The following CNTNAP4 variants were observed in gnomAD, a reference collection of about 807,000 sequenced individuals.
CNTNAP4 encodes contactin-associated protein-like 4.
CNTNAP4 carries 98 observed loss-of-function variants against 148.4 expected under a neutral mutation model. The observed-to-expected ratio is 0.66, with a 90% CI of 0.56 to 0.78. The LOEUF (loss-of-function observed/expected upper bound fraction) is 0.78. CNTNAP4 is among the 30% of genes least tolerant of loss of function. The probability of loss-of-function intolerance (pLI) is 0.00; values close to 1 mark genes in which losing one functional copy is unlikely to be tolerated. For synonymous variants in CNTNAP4, 730 were observed against 565.1 expected (o/e 1.29, Z -4.14); for missense variants, 1,935 against 1,565.6 (o/e 1.24, Z -3.98).
At chr16:76,412,221 A>G (rs2078823868) in intron 3 of CNTNAP4, among the ~76,000 whole-genome samples, 1 of 151,424 alleles carries the variant, frequency 6.6e-6, no homozygotes, top group African/African-American at 2.4e-5. Flanking sequence ...ATTTAAAAAT[A>G]TAGCAGTATT....
rs867379444 is a variant in CNTNAP4 at position 76,427,412 on chromosome 16, C to T, written c.391-40C>T. ...TAGGTGACAAGCTGAAATGGATGTT[C>T]TCCAGATACATTGATGTGCTTCTTT... On this transcript the variant is annotated intron_variant, in intron 3 of 23. Transcript: ENST00000611870. 6 of 1,567,336 alleles carry T rather than the reference C, an allele frequency of 3.8e-6. No homozygotes were observed. The Middle Eastern group carries it at 1.0e-3, about 268-fold the overall frequency.
intron 12 of CNTNAP4, among the ~76,000 whole-genome samples, chr16:76,483,675 C>CA (rs1402918293): frequency 2.0e-5 from 3 of 151,694 alleles, no homozygotes; most frequent in South Asian, 2.1e-4. Context: ...CACAAAAATG[C>CA]AAAAAAATGT....
chr16:76,432,552 G>GAA (rs1331665455), intron 4 of CNTNAP4: 1 of 151,918 alleles, frequency 6.6e-6, no homozygotes, highest in East Asian at 1.9e-4. Flanking sequence ...GAGAAAGAAA[G>GAA]AAAAAGAAAA....
chr16:76,350,500 A>G (rs1289262264), intron 2 of CNTNAP4, among the ~76,000 whole-genome samples: 3 of 152,206 alleles, frequency 2.0e-5, no homozygotes, highest in South Asian at 4.1e-4. Context: ...TCATAGCAAC[A>G]CATGTTACAG....
chr16:76,480,509 G>A (rs933152823), intron 12 of CNTNAP4, among the ~76,000 whole-genome samples: 5 of 152,112 alleles, frequency 3.3e-5, no homozygotes, highest in Non-Finnish European at 4.4e-5. Flanking sequence ...ACTTTGGGAG[G>A]TGGGCAGATC....
chr16:76,546,033 C>CA (rs34575100), intron 21 of CNTNAP4, among the ~76,000 whole-genome samples: 6,897 of 140,310 alleles, frequency 0.049, 197 homozygotes, highest in South Asian at 0.12. Context: ...GACTCCATTT[C>CA]AAAAAAAAAA....
intron 8 of CNTNAP4, among the ~76,000 whole-genome samples, chr16:76,456,492 C>G (rs531168841): frequency 5.6e-4 from 86 of 152,310 alleles, no homozygotes; most frequent in African/African-American, 1.9e-3. Flanking sequence ...GAGGTTTGTA[C>G]AATAGCCTTG....
At chr16:76,443,885 C>A (rs879406534) in intron 4 of CNTNAP4, among the ~76,000 whole-genome samples, 5 of 152,042 alleles carry the variant, frequency 3.3e-5, no homozygotes, top group Non-Finnish European at 5.9e-5. Flanking sequence ...AAAATAAATT[C>A]TGGTGATGGC....
intron 21 of CNTNAP4, 89 bp downstream of exon 21, chr16:76,540,879 C>T (rs982752388): frequency 4.9e-6 from 4 of 823,624 alleles, no homozygotes; most frequent in African/African-American, 1.7e-5. Context: ...ACACCCACTT[C>T]GTCATGGCAA....
intron 15 of CNTNAP4, among the ~76,000 whole-genome samples, chr16:76,516,127 G>A (rs1035375127): frequency 2.2e-4 from 27 of 125,444 alleles, no homozygotes; most frequent in Non-Finnish European, 3.7e-4. Context: ...ATTGTGTGAT[G>A]TTCCCCTCTC....
chr16:76,541,406 C>A (rs971028796), intron 21 of CNTNAP4, among the ~76,000 whole-genome samples: 2 of 152,164 alleles, frequency 1.3e-5, no homozygotes, highest in African/African-American at 4.8e-5. Flanking sequence ...TTTTTTTACA[C>A]TTGCCAACAA....
intron 3 of CNTNAP4, among the ~76,000 whole-genome samples, chr16:76,384,027 GTT>G (rs749687616): frequency 4.0e-5 from 6 of 151,852 alleles, no homozygotes; most frequent in Non-Finnish European, 7.4e-5. Context: ...TTGTTTGTTT[GTT>G]TTGTTTTTTG....
intron 4 of CNTNAP4, among the ~76,000 whole-genome samples, chr16:76,436,381 A>G (rs1038224743): frequency 2.0e-5 from 3 of 152,164 alleles, no homozygotes; most frequent in South Asian, 2.1e-4. Flanking sequence ...TTTCCAATCA[A>G]TGCCTTCATT....
intron 1 of CNTNAP4, among the ~76,000 whole-genome samples, chr16:76,288,996 A>T (rs989360372): frequency 5.9e-5 from 9 of 152,148 alleles, no homozygotes; most frequent in Admixed American, 2.0e-4. Context: ...ATAATCCATT[A>T]TGGTACATAT....
At chr16:76,350,098 C>T (rs1055931108) in intron 2 of CNTNAP4, among the ~76,000 whole-genome samples, 1 of 151,824 alleles carries the variant, frequency 6.6e-6, no homozygotes, top group Admixed American at 6.6e-5. Flanking sequence ...ATTCAGCCAG[C>T]CAGGTAATTT....
At chr16:76,473,840 GTTTTTTTTTT>G (rs1568317212) in intron 10 of CNTNAP4, among the ~76,000 whole-genome samples, 6 of 129,666 alleles carry the variant, frequency 4.6e-5, no homozygotes, top group Non-Finnish European at 1.1e-4. Context: ...GGTTTTGTAG[GTTTTTTTTTT>G]GTTTTGTTTT....
intron 12 of CNTNAP4, among the ~76,000 whole-genome samples, chr16:76,480,583 C>A (rs928302907): frequency 6.6e-6 from 1 of 151,900 alleles, no homozygotes; most frequent in African/African-American, 2.4e-5. Flanking sequence ...CCTAAAAATA[C>A]AAAAATTAGC....
At chr16:76,455,646 A>G (rs766405516) in intron 8 of CNTNAP4, among the ~76,000 whole-genome samples, 1 of 152,236 alleles carries the variant, frequency 6.6e-6, no homozygotes, top group Non-Finnish European at 1.5e-5. Context: ...AATTCTGGTT[A>G]GTGACTACGG....
intron 2 of CNTNAP4, among the ~76,000 whole-genome samples, chr16:76,335,102 G>C (rs993495742): frequency 3.9e-5 from 6 of 152,074 alleles, no homozygotes; most frequent in Non-Finnish European, 7.4e-5. Context: ...AGGGGAATGG[G>C]GTGGGGTGAG....
Sources: gnomAD v4.1 joint callset for allele counts (sites outside exome capture counted in the v4.1 genomes callset) on GRCh38, gnomAD v4.1.1 for gene constraint, MANE v1.5 for transcripts, NCBI Gene and HGNC (gene_info 2026-07-23, HGNC 2026-07-21) for gene names.